The following SSBP2 variants were observed in gnomAD, a reference collection of about 807,000 sequenced individuals.
SSBP2 encodes single-stranded DNA-binding protein 2.
In SSBP2, 17 loss-of-function variants were observed where a neutral mutation model predicts 61.8. The ratio of observed to expected loss-of-function variants is 0.28; its 90% confidence interval spans 0.19 to 0.41. The LOEUF (loss-of-function observed/expected upper bound fraction) is 0.41. Among genes scored for constraint, SSBP2 ranks in the 10% least tolerant of loss-of-function variants. SSBP2 has a pLI of 1.00. For synonymous variants in SSBP2, 139 were observed against 141.3 expected (o/e 0.98, Z 0.12); for missense variants, 310 against 458.7 (o/e 0.68, Z 2.96).
chr5:81,673,086 C>T (rs527729535), intron 1 of SSBP2, among the ~76,000 whole-genome samples: 7 of 152,214 alleles, frequency 4.6e-5, no homozygotes, highest in East Asian at 1.9e-4. Context: ...AGTGATCTGC[C>T]GTCCTCGGCC....
chr5:81,721,654 A>C (rs148529421), intron 1 of SSBP2, among the ~76,000 whole-genome samples: 1,860 of 152,232 alleles, frequency 0.012, 36 homozygotes, highest in African/African-American at 0.041. Flanking sequence ...GCCTTTTCAA[A>C]AATTGGCAAT....
At chr5:81,594,322 G>A (rs938824800) in intron 4 of SSBP2, among the ~76,000 whole-genome samples, 1 of 152,062 alleles carries the variant, frequency 6.6e-6, no homozygotes, top group African/African-American at 2.4e-5. Flanking sequence ...CCCAATACAG[G>A]AGCACCCAGA....
chr5:81,587,907 T>C (rs1327340800), intron 4 of SSBP2, among the ~76,000 whole-genome samples: 1 of 152,196 alleles, frequency 6.6e-6, no homozygotes, highest in East Asian at 1.9e-4. Flanking sequence ...AGCCCAATCA[T>C]TTTCTGGGCT....
At chr5:81,747,983 C>T (rs1468104912) in intron 1 of SSBP2, among the ~76,000 whole-genome samples, 2 of 152,144 alleles carry the variant, frequency 1.3e-5, no homozygotes, top group African/African-American at 4.8e-5. Flanking sequence ...TAATCTTACC[C>T]TGATCATTTT....
At chr5:81,700,314 A>AG (rs2153882310) in intron 1 of SSBP2, among the ~76,000 whole-genome samples, 2 of 152,316 alleles carry the variant, frequency 1.3e-5, no homozygotes, top group South Asian at 4.1e-4. Context: ...AAAAAGAAAG[A>AG]AATAGTCTTT....
rs572863605 is a variant in SSBP2, at chr5:81,509,748, A to G, written c.372+3880T>C. On this transcript the variant is annotated intron_variant, in intron 5 of 16. Transcript: ENST00000320672. Reference sequence around the variant, plus strand: ...AATGACTTGTGTATCAAATTCAAATATATCTGAAAGTTTTTCAATCTCCTG... The same window carrying G: ...AATGACTTGTGTATCAAATTCAAATGTATCTGAAAGTTTTTCAATCTCCTG... Among the ~76,000 whole-genome samples the G allele has an allele frequency of 7.2e-5, 11 of 152,312 alleles. No individual in the cohort carries two copies. The East Asian group carries it at 1.9e-3, about 27-fold the overall frequency.
intron 6 of SSBP2, among the ~76,000 whole-genome samples, chr5:81,487,167 T>C (rs1580808816): frequency 2.0e-5 from 3 of 152,288 alleles, no homozygotes; most frequent in Admixed American, 6.5e-5. Flanking sequence ...AAGCTAGGTA[T>C]ACAAACAACA....
intron 3 of SSBP2, among the ~76,000 whole-genome samples, chr5:81,630,724 C>T (rs1399355191): frequency 6.8e-6 from 1 of 146,138 alleles, no homozygotes; most frequent in Non-Finnish European, 1.5e-5. Context: ...AAAAAAATGG[C>T]ACATTTAAAA....
At chr5:81,693,157 T>C (rs1581360832) in intron 1 of SSBP2, among the ~76,000 whole-genome samples, 1 of 139,284 alleles carries the variant, frequency 7.2e-6, no homozygotes, top group East Asian at 2.1e-4. Context: ...CGAGCCTAGA[T>C]CACGCCACTG....
intron 4 of SSBP2, among the ~76,000 whole-genome samples, chr5:81,581,864 T>C (rs1301323992): frequency 6.6e-6 from 1 of 152,180 alleles, no homozygotes; most frequent in African/African-American, 2.4e-5. Flanking sequence ...TCAAACTTTA[T>C]TCTAACTATA....
intron 6 of SSBP2, 152 bp from the exon 7 acceptor site, chr5:81,474,714 T>G: frequency 1.6e-6 from 1 of 606,090 alleles, no homozygotes; most frequent in South Asian, 2.4e-5. Context: ...CATTTATAAG[T>G]TTTGCAGGTT....
At chr5:81,704,915 A>T (rs1201245528) in intron 1 of SSBP2, among the ~76,000 whole-genome samples, 2 of 151,954 alleles carry the variant, frequency 1.3e-5, no homozygotes, top group Non-Finnish European at 2.9e-5. Context: ...TAACGTGTTA[A>T]TCTATATTAA....
intron 4 of SSBP2, among the ~76,000 whole-genome samples, chr5:81,572,985 C>T (rs1272629913): frequency 6.6e-6 from 1 of 152,034 alleles, no homozygotes; most frequent in African/African-American, 2.4e-5. Flanking sequence ...GTGCTCATAT[C>T]CTATAATTAA....
chr5:81,595,069 A>G (rs1251435582), intron 4 of SSBP2, among the ~76,000 whole-genome samples: 3 of 152,186 alleles, frequency 2.0e-5, no homozygotes, highest in East Asian at 1.9e-4. Flanking sequence ...TTTTTTGAAA[A>G]GATCAACAAA....
chr5:81,634,638 A>G (rs1245118873), intron 3 of SSBP2, among the ~76,000 whole-genome samples: 1 of 152,196 alleles, frequency 6.6e-6, no homozygotes, highest in Non-Finnish European at 1.5e-5. Context: ...TTTATATTTC[A>G]ATTCAAATTC....
At chr5:81,680,844 A>G (rs1752330162) in intron 1 of SSBP2, among the ~76,000 whole-genome samples, 1 of 152,240 alleles carries the variant, frequency 6.6e-6, no homozygotes, top group African/African-American at 2.4e-5. Flanking sequence ...ACACTCTTCT[A>G]TGAGAAATGG....
In SSBP2 at chr5:81,530,743, T is replaced by C. The variant is rs115808403; in HGVS notation, c.283-17026A>G. Among the ~76,000 whole-genome samples, 621 of 152,212 alleles carry C rather than the reference T, an allele frequency of 4.1e-3. 3 individuals carry two copies. Among genetic ancestry groups the C allele is most frequent in the African/African-American group, 0.014 (591 of 41,538 alleles). Reference sequence around the variant, plus strand: ...CAATGAAGTTCTCAAGTGAAAGAGCTGTGCCTTATTACTACTGGAATCTCT... The same window carrying C: ...CAATGAAGTTCTCAAGTGAAAGAGCCGTGCCTTATTACTACTGGAATCTCT... On this transcript the variant is annotated intron_variant, in intron 4 of 16. Coordinates refer to ENST00000320672, the MANE Select transcript of SSBP2 (RefSeq NM_012446.5).
intron 6 of SSBP2, among the ~76,000 whole-genome samples, chr5:81,484,482 T>A (rs1302770647): frequency 2.0e-5 from 3 of 152,066 alleles, no homozygotes; most frequent in Admixed American, 6.6e-5. Context: ...TATCTCAGGA[T>A]AAACTCAAAA....
chr5:81,471,658 G>T (rs1310774780), intron 8 of SSBP2, among the ~76,000 whole-genome samples: 1 of 151,828 alleles, frequency 6.6e-6, no homozygotes, highest in African/African-American at 2.4e-5. Context: ...ATAGAAATAG[G>T]TAAGAATAAT....
Sources: allele counts gnomAD v4.1 joint callset (sites outside exome capture counted in the v4.1 genomes callset), GRCh38; gene constraint gnomAD v4.1.1; transcripts MANE v1.5; gene names NCBI Gene and HGNC (gene_info 2026-07-23, HGNC 2026-07-21).